Variants in FAM186A observed in about 807,000 individuals in gnomAD.
FAM186A encodes protein FAM186A.
FAM186A carries 163 observed loss-of-function variants against 216.8 expected under a neutral mutation model. The observed-to-expected ratio is 0.75, with a 90% CI of 0.66 to 0.86. The LOEUF is 0.86. Among genes scored for constraint, FAM186A ranks in the 40% least tolerant of loss-of-function variants. FAM186A has a pLI of 0.00. For missense variants in FAM186A, 2,184 were observed against 2,746.2 expected, an observed-to-expected ratio of 0.80 and a Z score of 4.58; for synonymous variants, 805 against 1,025.3, an observed-to-expected ratio of 0.79 and a Z score of 4.10.
In FAM186A at chr12:50,351,912, G is replaced by A. The variant is rs1446685682; in HGVS notation, c.4920C>T (p.Thr1640=). 2.0e-6 allele frequency: 3 copies of A among 1,537,300 alleles called. No individual in the cohort carries two copies. Among genetic ancestry groups the A allele is most frequent in the Admixed American group, 2.0e-5 (1 of 49,914 alleles). ...CTCCCAGTGCCTGGGCCTGCTGAGG[G>A]GTGAGAGTGATCCCCTGAGCCTGCG... ...QQAQAQGITL[T]PQQAQALGVP... is the part of the protein sequence containing the mutation. Residue 1640 remains threonine (T), a synonymous_variant, in exon 4 of 8, where the codon ACC becomes ACT. Transcript: ENST00000327337.
intron 1 of FAM186A, among the ~76,000 whole-genome samples, chr12:50,364,692 AT>A: frequency 6.6e-6 from 1 of 152,220 alleles, no homozygotes; most frequent in South Asian, 2.1e-4. Flanking sequence ...TCTGGAAGCC[AT>A]GCATTCAAGA....
chr12:50,368,247 C>G (rs962360245), intron 1 of FAM186A, among the ~76,000 whole-genome samples: 1 of 150,822 alleles, frequency 6.6e-6, no homozygotes, highest in East Asian at 2.0e-4. Context: ...ACTAGAAATA[C>G]AAAAATTAGC....
At chr12:50,332,594 C>A (rs928221615) in intron 5 of FAM186A, among the ~76,000 whole-genome samples, 6 of 152,190 alleles carry the variant, frequency 3.9e-5, no homozygotes, top group African/African-American at 1.4e-4. Flanking sequence ...CTCTGAAATG[C>A]CCTAGGCATT....
chr12:50,393,249 A>G (rs1030779047), intron 1 of FAM186A, among the ~76,000 whole-genome samples: 2 of 151,872 alleles, frequency 1.3e-5, no homozygotes, highest in African/African-American at 4.8e-5. Context: ...TTTAAAATGT[A>G]CATTTTGGCT....
intron 1 of FAM186A, among the ~76,000 whole-genome samples, chr12:50,373,029 AAGAAAG>A (rs1943161028): frequency 1.3e-5 from 2 of 148,708 alleles, no homozygotes; most frequent in Admixed American, 6.8e-5. Flanking sequence ...GAAAGAAAGA[AAGAAAG>A]AAAGAAAGAA....
Position 50,356,116 on chromosome 12 carries a change from C to G in FAM186A, c.716G>C (p.Gly239Ala). 1 of 1,551,576 alleles carries G rather than the reference C, an allele frequency of 6.4e-7. No homozygotes were observed. The highest frequency in any genetic ancestry group is 8.7e-7 in the Non-Finnish European group (1 of 1,146,966). ...ATNTKVSEIQ[G>A]MLQELIGTTM... ...GGTGCCTATGAGTTCCTGTAGCATA[C>G]CTTGGATTTCTGAAACCTTTGTATT... The change falls in exon 4 of 8, where the codon GGT becomes GCT. Residue 239 changes from glycine to alanine, a missense_variant. Coordinates refer to ENST00000327337, the MANE Select transcript of FAM186A (RefSeq NM_001145475.3).
At chr12:50,364,156 A>ACTGTCT (rs1035216954) in intron 1 of FAM186A, among the ~76,000 whole-genome samples, 4 of 152,176 alleles carry the variant, frequency 2.6e-5, no homozygotes, top group Non-Finnish European at 5.9e-5. Flanking sequence ...ACAGTGAAGA[A>ACTGTCT]CTGTCTCAAA....
chr12:50,373,255 G>A (rs1005220641), intron 1 of FAM186A, among the ~76,000 whole-genome samples: 1 of 151,992 alleles, frequency 6.6e-6, no homozygotes, highest in East Asian at 1.9e-4. Context: ...AAATTAGCCG[G>A]GTGTGGTGGC....
At chr12:50,394,267 A>G (rs929252033) in intron 1 of FAM186A, among the ~76,000 whole-genome samples, 2 of 152,060 alleles carry the variant, frequency 1.3e-5, no homozygotes, top group Admixed American at 6.6e-5. Context: ...TTAAAAGAAT[A>G]TATAAAATGG....
intron 1 of FAM186A, among the ~76,000 whole-genome samples, chr12:50,387,554 T>C (rs533181679): frequency 6.6e-6 from 1 of 152,174 alleles, no homozygotes; most frequent in Non-Finnish European, 1.5e-5. Flanking sequence ...CTAGATTTTA[T>C]AGTGTGGCTT....
In FAM186A at chr12:50,355,491, A is replaced by G. The variant is rs1257060815; in HGVS notation, c.1341T>C (p.Tyr447=). The stretch of plus-strand genomic sequence containing the variant: ...GATACTCATCAGTCTCATCTTCCTG[A>G]TAGAAATCACCTTTCTTCAATGATA... ...DNVSLKKGDF[Y]QEDETDEYQS... is the part of the protein sequence containing the mutation. The change falls in exon 4 of 8, where the codon TAT becomes TAC. Residue 447 remains tyrosine (Y), a synonymous_variant. Transcript: ENST00000327337. The G allele has an allele frequency of 9.0e-6, 14 of 1,551,254 alleles. No individual in the cohort carries two copies. The highest frequency in any genetic ancestry group is 1.2e-5 in the Non-Finnish European group (14 of 1,146,914).
At chr12:50,365,520 C>T (rs1943079078) in intron 1 of FAM186A, 2 of 335,096 alleles carry the variant, frequency 6.0e-6, no homozygotes, top group Non-Finnish European at 1.1e-5. Context: ...TGGTTCACCC[C>T]TTCCAACTTT....
intron 1 of FAM186A, 134 bp from the exon 2 acceptor site, chr12:50,363,498 G>T: frequency 2.5e-6 from 2 of 795,322 alleles, no homozygotes; most frequent in Non-Finnish European, 3.8e-6. Flanking sequence ...AGCTTTTATT[G>T]TGAGTCTCAA....
chr12:50,342,521 C>T (rs1256276261), intron 4 of FAM186A, among the ~76,000 whole-genome samples: 3 of 147,376 alleles, frequency 2.0e-5, no homozygotes, highest in South Asian at 2.1e-4. Flanking sequence ...GTTGCCCAGG[C>T]TGGAGTGCAG....
chr12:50,375,764 AAC>A (rs755244737), intron 1 of FAM186A, among the ~76,000 whole-genome samples: 15 of 152,028 alleles, frequency 9.9e-5, no homozygotes, highest in African/African-American at 1.4e-4. Flanking sequence ...AATTTAATAA[AAC>A]AGTGTCACAG....
At chr12:50,380,937 C>T (rs1420872288) in intron 1 of FAM186A, among the ~76,000 whole-genome samples, 1 of 151,898 alleles carries the variant, frequency 6.6e-6, no homozygotes, top group Non-Finnish European at 1.5e-5. Context: ...CCACTGTGCA[C>T]ATCCAGGCAT....
At position 50,335,593 on chromosome 12, in the gene FAM186A, G is replaced by A. The variant is rs149443108; in HGVS notation, c.6504-1490C>T. On this transcript the variant is annotated intron_variant, in intron 4 of 7. Transcript: ENST00000327337. ...CGAGCAACAGAGGTTGCAGTGAGCCGAGATCGTGCCACTGCACTCCAGCCT... is the reference window on the plus strand; with the variant it reads ...CGAGCAACAGAGGTTGCAGTGAGCCAAGATCGTGCCACTGCACTCCAGCCT... Among the ~76,000 whole-genome samples, 1,260 of 151,592 alleles carry A rather than the reference G, an allele frequency of 8.3e-3. 23 individuals carry two copies. The highest frequency in any genetic ancestry group is 8.3e-3 in the Non-Finnish European group (565 of 67,926).
At chr12:50,342,087 A>T (rs540725269) in intron 4 of FAM186A, among the ~76,000 whole-genome samples, 2 of 152,118 alleles carry the variant, frequency 1.3e-5, no homozygotes, top group African/African-American at 4.8e-5. Flanking sequence ...AATATGAATG[A>T]GAAAAATCCT....
At chr12:50,340,660 G>A (rs577176676) in intron 4 of FAM186A, among the ~76,000 whole-genome samples, 1 of 150,910 alleles carries the variant, frequency 6.6e-6, no homozygotes, top group Admixed American at 6.6e-5. Context: ...GGTTGATAGA[G>A]CAAGACCCTG....
Sources: allele counts gnomAD v4.1 joint callset (sites outside exome capture counted in the v4.1 genomes callset), GRCh38; gene constraint gnomAD v4.1.1; transcripts MANE v1.5; gene names NCBI Gene and HGNC (gene_info 2026-07-23, HGNC 2026-07-21).